The following FAM83F variants were observed in gnomAD, a reference collection of about 807,000 sequenced individuals.
The protein encoded by FAM83F is scaffolding CK1 anchoring protein F.
Under a neutral mutation model 42.9 loss-of-function variants are expected in FAM83F, and 45 were observed. The observed-to-expected ratio is 1.05, with a 90% confidence interval of 0.83 to 1.35. FAM83F has a LOEUF of 1.35. Among genes scored for constraint, FAM83F ranks in the 40% most tolerant of loss-of-function variants. The probability of loss-of-function intolerance (pLI) is 0.00; values close to 1 mark genes in which losing one functional copy is unlikely to be tolerated. For synonymous variants in FAM83F, 306 were observed against 298.3 expected (o/e 1.03, Z -0.27); for missense variants, 617 against 695.9 (o/e 0.89, Z 1.28).
chr22:40,024,093 C>T (rs563799904), intron 4 of FAM83F, among the ~76,000 whole-genome samples: 12 of 152,156 alleles, frequency 7.9e-5, no homozygotes, highest in Non-Finnish European at 1.3e-4. Context: ...TCAACCTCCT[C>T]GGTTCAAGCG....
intron 1 of FAM83F, among the ~76,000 whole-genome samples, chr22:40,013,082 C>CAAAAA (rs754625979): frequency 0.23 from 10,846 of 46,434 alleles, 1,967 homozygotes; most frequent in Non-Finnish European, 0.33. Context: ...GACTCCGTTT[C>CAAAAA]AAAAAAAAAA....
At chr22:39,997,960 G>C (rs1416859218) in intron 1 of FAM83F, 1 of 152,364 alleles carries the variant, frequency 6.6e-6, no homozygotes, top group African/African-American at 2.4e-5. Flanking sequence ...TGTTTCACAG[G>C]TGAGGAAACT....
At chr22:40,012,171 G>A (rs970776180) in intron 1 of FAM83F, among the ~76,000 whole-genome samples, 2 of 150,354 alleles carry the variant, frequency 1.3e-5, no homozygotes, top group African/African-American at 4.9e-5. Context: ...TTTTGCTCTT[G>A]TCACCCAGGC....
chr22:40,039,966 C>T lies in FAM83F; in HGVS notation c.*10401C>T, dbSNP rs2067644324. ...AGAGCATTCCTGGTGGTGGAGATGG[C>T]CGCAGGCCATTATTTAAAAAGCTAG... On this transcript the variant is annotated 3_prime_UTR_variant, in exon 5 of 5. Transcript: ENST00000333407. The T allele has an allele frequency of 2.0e-5, 3 of 152,178 alleles. No individual in the cohort carries two copies. Among genetic ancestry groups the T allele is most frequent in the Admixed American group, 2.0e-4 (3 of 15,272 alleles). 9.4% of individuals were successfully genotyped at this position (152,178 alleles called of 1,614,324 possible).
Position 39,995,135 on chromosome 22 carries a change from G to A in FAM83F, c.93G>A (p.Arg31=). Residue 31 remains arginine (R), a synonymous_variant, in exon 1 of 5, where the codon CGG becomes CGA. Transcript: ENST00000333407. This position sits in a 1 kb window ranked among gnomAD's most constrained non-coding sequence, Gnocchi z 4.6. ...AQAAFYYCER[R]RAALEALLGG... ...CCGCCTTCTACTACTGCGAGCGGCG[G>A]CGGGCCGCGCTGGAGGCGCTGCTGG... is the stretch of plus-strand genomic sequence containing the variant. The A allele has an allele frequency of 1.5e-6, 2 of 1,374,254 alleles. No individual in the cohort carries two copies. The highest frequency in any genetic ancestry group is 5.9e-5 in the East Asian group (2 of 33,698). The allele number at this position is 1,374,254 out of a possible 1,614,324, so 85.1% of individuals were successfully genotyped here.
chr22:40,013,338 G>A (rs1168912823), intron 1 of FAM83F, among the ~76,000 whole-genome samples: 3 of 152,158 alleles, frequency 2.0e-5, no homozygotes, highest in Admixed American at 6.5e-5. Context: ...TAGTAAGCCA[G>A]CTTTCCCAGT....
chr22:40,010,840 C>T (rs2067459133), intron 1 of FAM83F, among the ~76,000 whole-genome samples: 1 of 152,152 alleles, frequency 6.6e-6, no homozygotes, highest in Admixed American at 6.5e-5. Context: ...GGAATGAAGC[C>T]AGAACTCTGT....
chr22:39,997,607 T>C (rs1393379960), intron 1 of FAM83F, among the ~76,000 whole-genome samples: 1 of 152,266 alleles, frequency 6.6e-6, no homozygotes, highest in South Asian at 2.1e-4. Flanking sequence ...GAAGGCTTCC[T>C]GAGGGAGGTG....
At chr22:40,020,135 G>T in intron 3 of FAM83F, 127 bp downstream of exon 3, 1 of 1,362,964 alleles carries the variant, frequency 7.3e-7, no homozygotes, top group Non-Finnish European at 9.7e-7. Flanking sequence ...CAATAGCAAA[G>T]GACAGCTTTC....
Position 40,029,658 on chromosome 22 carries a change from C to A in FAM83F, c.*93C>A. 2 of 1,516,874 alleles carry A rather than the reference C, an allele frequency of 1.3e-6. No homozygotes were observed. The highest frequency in any genetic ancestry group is 1.8e-6 in the Non-Finnish European group (2 of 1,125,232). 94.0% of individuals were successfully genotyped at this position (1,516,874 alleles called of 1,614,324 possible). On this transcript the variant is annotated 3_prime_UTR_variant, in exon 5 of 5. Coordinates refer to ENST00000333407, the MANE Select transcript of FAM83F (RefSeq NM_138435.4). The stretch of plus-strand genomic sequence containing the variant: ...AGGTCGCACACTGCACCAGTTTGCA[C>A]ATCAGACGCCAACTGGCCTTCTGCC...
At chr22:40,024,735 A>G (rs934937625) in intron 4 of FAM83F, among the ~76,000 whole-genome samples, 7 of 152,202 alleles carry the variant, frequency 4.6e-5, no homozygotes, top group Non-Finnish European at 1.5e-5. Flanking sequence ...TCAAGGGAGA[A>G]CCTGAGTTGA....
At chr22:40,015,524 C>T (rs2145716989) in intron 1 of FAM83F, among the ~76,000 whole-genome samples, 1 of 152,286 alleles carries the variant, frequency 6.6e-6, no homozygotes, top group South Asian at 2.1e-4. Flanking sequence ...CACGTGACAC[C>T]TGTACGTAGG....
Position 39,995,617 on chromosome 22 carries a change from G to T in FAM83F, c.489+86G>T, listed in dbSNP as rs562724280. ...CCCCACCTCCCAGGCAGGGCCCGGG[G>T]CAGGCCGCCCTGAGCACCCTCTGGA... On this transcript the variant is annotated intron_variant, in intron 1 of 4. Coordinates refer to ENST00000333407, the MANE Select transcript of FAM83F (RefSeq NM_138435.4). The surrounding 1 kb of genome is among the most constrained non-coding windows in gnomAD (Gnocchi z 4.6). The T allele has an allele frequency of 6.9e-7, 1 of 1,442,602 alleles. No individual in the cohort carries two copies. Among genetic ancestry groups the T allele is most frequent in the South Asian group, 1.4e-5 (1 of 68,986 alleles). The allele number at this position is 1,442,602 out of a possible 1,614,324, so 89.4% of individuals were successfully genotyped here. A position where few individuals can be genotyped will look rare whatever the true frequency, so the allele number is the denominator to read the frequency against.
At chr22:40,012,744 TG>T (rs2067472629) in intron 1 of FAM83F, among the ~76,000 whole-genome samples, 1 of 150,722 alleles carries the variant, frequency 6.6e-6, no homozygotes, top group Non-Finnish European at 1.5e-5. Context: ...CACTCCAGCC[TG>T]GGTGAAAAAG....
intron 1 of FAM83F, among the ~76,000 whole-genome samples, chr22:40,002,651 C>A (rs1158005396): frequency 6.6e-6 from 1 of 152,114 alleles, no homozygotes; most frequent in African/African-American, 2.4e-5. Context: ...CACTGGGTGA[C>A]GTGGGGTACA....
In FAM83F at chr22:40,016,907, G is replaced by A. The variant is rs528720771; in HGVS notation, c.490-2261G>A. Reference sequence around the variant, plus strand: ...TCGAACTCCTGGCCTCAAGTGATCCGCCCACCTCAGCCTCCCAAAGTGCTG... The same window carrying A: ...TCGAACTCCTGGCCTCAAGTGATCCACCCACCTCAGCCTCCCAAAGTGCTG... On this transcript the variant is annotated intron_variant, in intron 1 of 4. Coordinates refer to ENST00000333407, the MANE Select transcript of FAM83F (RefSeq NM_138435.4). 2.0e-5 allele frequency among the ~76,000 whole-genome samples: 3 copies of A among 150,670 alleles called. No individual in the cohort carries two copies. In the East Asian group the frequency reaches 6.0e-4, roughly 30 times the overall value.
chr22:40,002,767 A>G (rs1358870144), intron 1 of FAM83F, among the ~76,000 whole-genome samples: 1 of 152,238 alleles, frequency 6.6e-6, no homozygotes, highest in East Asian at 1.9e-4. Flanking sequence ...AGGCTATGAG[A>G]AAGCACTTTG....
intron 1 of FAM83F, among the ~76,000 whole-genome samples, chr22:40,018,433 C>G (rs1211551089): frequency 2.0e-5 from 3 of 152,050 alleles, no homozygotes; most frequent in Non-Finnish European, 4.4e-5. Context: ...GATATGGCTT[C>G]TTTATTCCAT....
In FAM83F at chr22:39,995,426, C is replaced by T. The variant is rs1413847626; in HGVS notation, c.384C>T (p.Phe128=). The T allele has an allele frequency of 4.5e-6, 7 of 1,552,446 alleles. No homozygotes were observed. Among genetic ancestry groups the T allele is most frequent in the African/African-American group, 4.1e-5 (3 of 73,120 alleles). ...PLDLGWTDTG[F]YRGVSRVTLF... is the part of the protein sequence containing the mutation. ...ACCTGGGCTGGACGGACACTGGTTT[C>T]TACCGCGGCGTGAGCCGGGTCACGC... The change falls in exon 1 of 5, where the codon TTC becomes TTT. Residue 128 remains phenylalanine (F), a synonymous_variant. Coordinates refer to ENST00000333407, the MANE Select transcript of FAM83F (RefSeq NM_138435.4). The surrounding 1 kb of genome is among the most constrained non-coding windows in gnomAD (Gnocchi z 4.6).
Sources: gnomAD v4.1 joint callset for allele counts (sites outside exome capture counted in the v4.1 genomes callset) on GRCh38, gnomAD v4.1.1 for gene constraint, Gnocchi (gnomAD v3.1) non-coding constraint, MANE v1.5 for transcripts, NCBI Gene and HGNC (gene_info 2026-07-23, HGNC 2026-07-21) for gene names.